The following MIDEAS variants were observed in gnomAD, a reference collection of about 807,000 sequenced individuals.
MIDEAS encodes the protein mitotic deacetylase associated SANT domain protein, also known as mitotic deacetylase-associated SANT domain protein.
Under a neutral mutation model 102.7 loss-of-function variants are expected in MIDEAS, and 26 were observed. The ratio of observed to expected loss-of-function variants is 0.25; its 90% CI spans 0.19 to 0.35. The LOEUF is 0.35. Ranked by LOEUF, MIDEAS falls within the 10% of genes least tolerant of loss-of-function variation. The pLI, the probability that MIDEAS is intolerant of heterozygous loss-of-function variation, is 1.00. For missense variants in MIDEAS, 1,231 were observed against 1,435.6 expected (o/e 0.86, Z 2.30); for synonymous variants, 585 against 591.0 (o/e 0.99, Z 0.15).
At chr14:73,730,163 A>C (rs1418455411) in intron 3 of MIDEAS, 178 bp from the exon 4 acceptor site, 1 of 739,882 alleles carries the variant, frequency 1.4e-6, no homozygotes, top group Non-Finnish European at 2.5e-6. Flanking sequence ...TCTAGGGCAG[A>C]AGTCAGCAAA....
At position 73,737,203 on chromosome 14, in the gene MIDEAS, C is replaced by T. The variant is rs542414394; in HGVS notation, c.1544G>A (p.Arg515Gln). Residue 515 changes from arginine (R) to glutamine (Q), a missense_variant, in exon 3 of 13, where the codon CGA (arginine) becomes CAA (glutamine). Physicochemically the swap from Arg to Gln is conservative, Grantham distance 43. Around this residue, in one of 5 missense-constraint regions of MIDEAS, gnomAD observed 758 missense variants for 856.0 expected, o/e 0.89. Transcript: ENST00000423556. ...EFSEPSLATK[R>Q]AREDSGMVPL... is the part of the protein sequence containing the mutation. ...TACCATCCCACTGTCTTCTCGTGCT[C>T]GCTTGGTGGCTAAGGAAGGCTCAGA... 11 of 1,614,136 alleles carry T rather than the reference C, an allele frequency of 6.8e-6. No individual in the cohort carries two copies. Among genetic ancestry groups the T allele is most frequent in the African/African-American group, 4.0e-5 (3 of 75,032 alleles).
chr14:73,740,550 G>A (rs763796808), intron 1 of MIDEAS, among the ~76,000 whole-genome samples: 2 of 152,200 alleles, frequency 1.3e-5, no homozygotes, highest in Non-Finnish European at 2.9e-5. Flanking sequence ...TGTTATTTGT[G>A]CACTGCATAG....
chr14:73,731,213 T>G (rs1182864687), intron 3 of MIDEAS, among the ~76,000 whole-genome samples: 2 of 152,154 alleles, frequency 1.3e-5, no homozygotes, highest in East Asian at 3.9e-4. Context: ...CCCTACAGGG[T>G]GAGCAGCACC....
chr14:73,750,030 T>G (rs1397246095), intron 1 of MIDEAS, among the ~76,000 whole-genome samples: 1 of 152,200 alleles, frequency 6.6e-6, no homozygotes, highest in Non-Finnish European at 1.5e-5. Flanking sequence ...CTAGGAAAAA[T>G]GGCCACAGGC....
chr14:73,725,962 T>G lies in MIDEAS; in HGVS notation c.2485+71A>C. On this transcript the variant is annotated intron_variant, in intron 8 of 12. Transcript: ENST00000423556. This position sits in a 1 kb window ranked among gnomAD's most constrained non-coding sequence, Gnocchi z 4.1. ...CCCACCCAGGGCTGTGACTCAGCAC[T>G]GAGCAGGGCCCCATGGATGCTGGAG... 3.0e-6 allele frequency: 4 copies of G among 1,341,910 alleles called. No homozygotes were observed. The highest frequency in any genetic ancestry group is 4.2e-6 in the Non-Finnish European group (4 of 955,838). The allele number at this position is 1,341,910 out of a possible 1,614,324, so 83.1% of individuals were successfully genotyped here.
chr14:73,734,459 G>A (rs146814589), intron 3 of MIDEAS, among the ~76,000 whole-genome samples: 55 of 152,274 alleles, frequency 3.6e-4, no homozygotes, highest in Non-Finnish European at 6.0e-4. Flanking sequence ...ACAGGCTGGA[G>A]TGCAGTGGCA....
At chr14:73,762,423 G>A (rs956377090), upstream of MIDEAS, among the ~76,000 whole-genome samples, 1 of 152,194 alleles carries the variant, frequency 6.6e-6, no homozygotes, top group African/African-American at 2.4e-5. Flanking sequence ...GAGCGGCACC[G>A]CCCTTCACTA....
In MIDEAS at chr14:73,747,716, C is replaced by T. The variant is rs144748450; in HGVS notation, c.-247-7461G>A. 1.5e-3 allele frequency among the ~76,000 whole-genome samples: 223 copies of T among 151,812 alleles called. 1 individual carries two copies. Among genetic ancestry groups the T allele is most frequent in the African/African-American group, 4.9e-3 (202 of 41,344 alleles). On this transcript the variant is annotated intron_variant, in intron 1 of 12. Transcript: ENST00000423556. ...GTGGGGGTCGGGGGTGGGAAGAGCA[C>T]GATGGGGAATCTAGGATGCTTCACA... is the stretch of plus-strand genomic sequence containing the variant.
chr14:73,777,787 C>T (rs1341854487), intron 1 of MIDEAS, among the ~76,000 whole-genome samples: 1 of 151,934 alleles, frequency 6.6e-6, no homozygotes, highest in Non-Finnish European at 1.5e-5. Context: ...CCTGACATGC[C>T]TCTCTCTCCT....
Position 73,739,822 on chromosome 14 carries a change from C to T in MIDEAS, c.187G>A (p.Glu63Lys). The change falls in exon 2 of 13, where the codon GAA becomes AAA. Residue 63 changes from glutamate (E) to lysine (K), a missense_variant. Coordinates refer to ENST00000423556, the MANE Select transcript of MIDEAS (RefSeq NM_001367710.1). Reference sequence around the variant, plus strand: ...GCCAGGCTGCTAGGAGGGGGCAGTTCCACAGGCTGAGAGGTGGAGACTGCC... The same window carrying T: ...GCCAGGCTGCTAGGAGGGGGCAGTTTCACAGGCTGAGAGGTGGAGACTGCC... ...GGAVSTSQPV[E>K]LPPPSSLALL... The T allele has an allele frequency of 6.2e-7, 1 of 1,611,948 alleles. No individual in the cohort carries two copies. Among genetic ancestry groups the T allele is most frequent in the Non-Finnish European group, 8.5e-7 (1 of 1,178,704 alleles).
At position 73,715,755 on chromosome 14, in the gene MIDEAS, C is replaced by A. The variant is rs1470045690; in HGVS notation, c.*3088G>T. ...TTGTATTCCTCCTTCATCTTAACAT[C>A]TGGCACATGAGAAGAAAGAGGTTAG... On this transcript the variant is annotated 3_prime_UTR_variant, in exon 13 of 13. Coordinates refer to ENST00000423556, the MANE Select transcript of MIDEAS (RefSeq NM_001367710.1). 6.6e-6 allele frequency: 1 copy of A among 152,608 alleles called. No individual in the cohort carries two copies. The highest frequency in any genetic ancestry group is 1.5e-5 in the Non-Finnish European group (1 of 68,056). The allele number at this position is 152,608 out of a possible 1,614,324, so 9.5% of individuals were successfully genotyped here.
rs1566595265 is a variant in MIDEAS, at chr14:73,742,786, G to A, written c.-247-2531C>T. On this transcript the variant is annotated intron_variant, in intron 1 of 12. Transcript: ENST00000423556. This position sits in a 1 kb window ranked among gnomAD's most constrained non-coding sequence, Gnocchi z 4.4. ...GGCCTGGGACCCTCAGAGAAGAAAG[G>A]TCATCGGCTGGGGGTGGGGAGAAGA... Among the ~76,000 whole-genome samples, 1 of 152,154 alleles carries A rather than the reference G, an allele frequency of 6.6e-6. No homozygotes were observed. The highest frequency in any genetic ancestry group is 1.5e-5 in the Non-Finnish European group (1 of 68,014).
intron 5 of MIDEAS, 157 bp from the exon 6 acceptor site, chr14:73,727,129 T>C: frequency 2.2e-6 from 2 of 928,028 alleles, no homozygotes; most frequent in Non-Finnish European, 1.6e-6. Flanking sequence ...GAGGACAGCC[T>C]GACCTGGCAC....
At position 73,729,672 on chromosome 14, in the gene MIDEAS, G is replaced by C; in HGVS notation, c.2063C>G (p.Pro688Arg). The change falls in exon 4 of 13, where the codon CCT becomes CGT. Residue 688 changes from proline (P) to arginine (R), a missense_variant. This residue lies in a region of MIDEAS where 391 missense variants were observed against 483.0 expected (regional missense o/e 0.81). Coordinates refer to ENST00000423556, the MANE Select transcript of MIDEAS (RefSeq NM_001367710.1). ...GAGCAGCGTGCGATGGGCACTCTTAGGCGTGATGGGAGGAGGGGCAGGGAT... is the reference window on the plus strand; with the variant it reads ...GAGCAGCGTGCGATGGGCACTCTTACGCGTGATGGGAGGAGGGGCAGGGAT... ...STIPAPPPIT[P>R]KSAHRTLLRT... is the part of the protein sequence containing the mutation. 1.9e-6 allele frequency: 3 copies of C among 1,613,478 alleles called. No individual in the cohort carries two copies. The highest frequency in any genetic ancestry group is 2.5e-6 in the Non-Finnish European group (3 of 1,179,814).
upstream of MIDEAS, among the ~76,000 whole-genome samples, chr14:73,788,502 A>G (rs1205419603): frequency 6.6e-6 from 1 of 152,214 alleles, no homozygotes; most frequent in Non-Finnish European, 1.5e-5. Context: ...CCACAGACTC[A>G]CCCAAAGATA....
chr14:73,779,554 G>T (rs1266269537), intron 1 of MIDEAS, among the ~76,000 whole-genome samples: 24 of 134,602 alleles, frequency 1.8e-4, no homozygotes, highest in African/African-American at 5.7e-4. Context: ...TTTTTAATTT[G>T]TTTATTATTA....
In MIDEAS at chr14:73,725,619, G is replaced by A. The variant is rs976985689; in HGVS notation, c.2486-259C>T. 1.3e-5 allele frequency among the ~76,000 whole-genome samples: 2 copies of A among 152,234 alleles called. No homozygotes were observed. Among genetic ancestry groups the A allele is most frequent in the Non-Finnish European group, 2.9e-5 (2 of 68,044 alleles). Reference sequence around the variant, plus strand: ...TGAAACCCTTGGTGCTCTGCCTGGTGCAGATGAAATGTAGCACTAACATGC... The same window carrying A: ...TGAAACCCTTGGTGCTCTGCCTGGTACAGATGAAATGTAGCACTAACATGC... On this transcript the variant is annotated intron_variant, in intron 8 of 12. Coordinates refer to ENST00000423556, the MANE Select transcript of MIDEAS (RefSeq NM_001367710.1). This position sits in a 1 kb window ranked among gnomAD's most constrained non-coding sequence, Gnocchi z 4.1.
intron 1 of MIDEAS, among the ~76,000 whole-genome samples, chr14:73,756,709 C>A (rs934135700): frequency 6.6e-6 from 1 of 152,182 alleles, no homozygotes. Context: ...AGTGCCCAGG[C>A]TAGCAGATCC....
chr14:73,786,755 G>T (rs1229446996), intron 1 of MIDEAS, among the ~76,000 whole-genome samples: 1 of 152,242 alleles, frequency 6.6e-6, no homozygotes, highest in Non-Finnish European at 1.5e-5. Flanking sequence ...GCCGAGAGCT[G>T]CGCCCAGCCT....
Sources: gnomAD v4.1 joint callset for allele counts (sites outside exome capture counted in the v4.1 genomes callset) on GRCh38, gnomAD v4.1.1 for gene constraint, gnomAD v4.1.1 regional missense constraint, Gnocchi (gnomAD v3.1) non-coding constraint, MANE v1.5 for transcripts, NCBI Gene and HGNC (gene_info 2026-07-23, HGNC 2026-07-21) for gene names.